Variants in COG2 observed in about 807,000 individuals in gnomAD.
COG2 encodes component of oligomeric golgi complex 2.
A neutral mutation model predicts 90.6 loss-of-function variants in COG2; 52 were observed. The observed-to-expected ratio is 0.57, with a 90% CI of 0.46 to 0.72. COG2 has a LOEUF of 0.72. Ranked by LOEUF, COG2 falls within the 30% of genes least tolerant of loss-of-function variation. COG2 has a pLI of 0.00. For synonymous variants in COG2, 337 were observed against 320.4 expected (o/e 1.05, Z -0.55); for missense variants, 829 against 891.2 (o/e 0.93, Z 0.89).
At chr1:230,660,714 T>A in intron 2 of COG2, 44 bp from the exon 3 acceptor site, 4 of 1,397,764 alleles carry the variant, frequency 2.9e-6, no homozygotes, top group Non-Finnish European at 3.9e-6. Context: ...TAGCTGTTAC[T>A]CTTGATTGTG....
chr1:230,661,796 A>G (rs1456482726), intron 3 of COG2, among the ~76,000 whole-genome samples: 1 of 152,088 alleles, frequency 6.6e-6, no homozygotes, highest in African/African-American at 2.4e-5. Context: ...ACTAGCAAAT[A>G]TTTTCAAATG....
intron 16 of COG2, 34 bp downstream of exon 16, chr1:230,690,187 G>T: frequency 6.3e-7 from 1 of 1,599,814 alleles, no homozygotes; most frequent in South Asian, 1.1e-5. Context: ...TGTGGGCCTT[G>T]CTTAGAAGAG....
intron 1 of COG2, among the ~76,000 whole-genome samples, chr1:230,654,035 A>G (rs2102745229): frequency 6.6e-6 from 1 of 152,348 alleles, no homozygotes; most frequent in African/African-American, 2.4e-5. Flanking sequence ...TCAGGTGGAC[A>G]GATTGCAAAA....
chr1:230,657,928 A>G (rs947853657), intron 1 of COG2, among the ~76,000 whole-genome samples: 3 of 151,918 alleles, frequency 2.0e-5, no homozygotes, highest in Admixed American at 6.6e-5. Context: ...GGTCATTTAT[A>G]TTCTTCTCCA....
At chr1:230,688,397 A>C in intron 14 of COG2, 23 bp from the exon 15 acceptor site, 1 of 1,613,058 alleles carries the variant, frequency 6.2e-7, no homozygotes, top group Non-Finnish European at 8.5e-7. Flanking sequence ...ATGATGATTA[A>C]ATCCAGTCTT....
intron 5 of COG2, among the ~76,000 whole-genome samples, chr1:230,666,256 T>C (rs1423860149): frequency 1.3e-5 from 2 of 152,178 alleles, no homozygotes; most frequent in East Asian, 3.9e-4. Flanking sequence ...GGTGCCTTTA[T>C]TTCCTTCACT....
chr1:230,652,180 C>T (rs1274065803), intron 1 of COG2, among the ~76,000 whole-genome samples: 1 of 114,694 alleles, frequency 8.7e-6, no homozygotes, highest in South Asian at 3.5e-4. Flanking sequence ...CATTCTTCCC[C>T]TCCTCTCCCG....
At chr1:230,647,475 G>T (rs753411795) in intron 1 of COG2, among the ~76,000 whole-genome samples, 9 of 152,156 alleles carry the variant, frequency 5.9e-5, no homozygotes, top group Non-Finnish European at 1.2e-4. Flanking sequence ...CTGAGCACTC[G>T]TGTGATTTTG....
chr1:230,681,465 A>C (rs1271888020), intron 10 of COG2: 1 of 152,204 alleles, frequency 6.6e-6, no homozygotes, highest in Non-Finnish European at 1.5e-5. Flanking sequence ...AGACGGGTGC[A>C]CTTAATGATG....
In COG2 at chr1:230,675,139, G is replaced by A. The variant is rs377096092; in HGVS notation, c.1026+15G>A. On this transcript the variant is annotated intron_variant, in intron 9 of 17. Transcript: ENST00000366669. ...CATTTCATGAGGTATCTCCCCGCCCGTCGTCTTGATTCTTGAAGATGTTAA... is the reference window on the plus strand; with the variant it reads ...CATTTCATGAGGTATCTCCCCGCCCATCGTCTTGATTCTTGAAGATGTTAA... 3.2e-5 allele frequency: 52 copies of A among 1,601,138 alleles called. No individual in the cohort carries two copies. Among genetic ancestry groups the A allele is most frequent in the East Asian group, 1.1e-4 (5 of 44,472 alleles).
intron 13 of COG2, among the ~76,000 whole-genome samples, chr1:230,687,393 C>G (rs2102773396): frequency 6.6e-6 from 1 of 152,294 alleles, no homozygotes. Flanking sequence ...TTCACCTCCA[C>G]CCTGCTTCCT....
intron 8 of COG2, among the ~76,000 whole-genome samples, chr1:230,673,138 ACAAT>A (rs2102760857): frequency 6.6e-6 from 1 of 152,312 alleles, no homozygotes; most frequent in Non-Finnish European, 1.5e-5. Flanking sequence ...TAGATATGAA[ACAAT>A]CAGCCATTAG....
chr1:230,687,778 G>C (rs973345456), intron 13 of COG2, among the ~76,000 whole-genome samples: 4 of 152,062 alleles, frequency 2.6e-5, no homozygotes, highest in African/African-American at 9.7e-5. Context: ...TAAGAATATG[G>C]TCTTTACTGT....
chr1:230,663,882 G>T (rs1022814533), intron 4 of COG2, among the ~76,000 whole-genome samples: 6 of 152,072 alleles, frequency 3.9e-5, no homozygotes, highest in Non-Finnish European at 8.8e-5. Context: ...CAAAATAAAG[G>T]TTTATATAAG....
At position 230,663,118 on chromosome 1, in the gene COG2, C is replaced by CT. The variant is rs555073793; in HGVS notation, c.301-12dup. On this transcript the variant is annotated intron_variant, in intron 3 of 17. Transcript: ENST00000366669. ...ATGTTACAAAACAATCTCTGCAGTA[C>CT]TTTTTTTTTTTGTCTTTTAAAGAGC... 48,379 of 1,131,986 alleles carry CT rather than the reference C, an allele frequency of 0.043. 51 individuals are homozygous for CT. The highest frequency in any genetic ancestry group is 0.048 in the Non-Finnish European group (39,588 of 819,740). 70.1% of individuals were successfully genotyped at this position (1,131,986 alleles called of 1,614,324 possible).
At chr1:230,683,455 C>T (rs1662804259) in intron 10 of COG2, 119 bp from the exon 11 acceptor site, 1 of 643,044 alleles carries the variant, frequency 1.6e-6, no homozygotes, top group African/African-American at 1.9e-5. Context: ...CATTCCGAGG[C>T]TGGACTTACC....
intron 15 of COG2, 109 bp from the exon 16 acceptor site, chr1:230,689,905 C>G: frequency 8.6e-7 from 1 of 1,158,258 alleles, no homozygotes. Flanking sequence ...GTCCGTGTCT[C>G]AAAACTAGAA....
In COG2 at chr1:230,648,488, C is replaced by T. The variant is rs117770645; in HGVS notation, c.72+5810C>T. ...ATTTTCTAATTACCCACATGTGGAG[C>T]GATTTCCTAATGTGAAATACTTTTC... On this transcript the variant is annotated intron_variant, in intron 1 of 17. Transcript: ENST00000366669. Among the ~76,000 whole-genome samples the T allele has an allele frequency of 1.3e-4, 20 of 152,280 alleles. 1 individual carries two copies. The East Asian group carries it at 3.7e-3, about 28-fold the overall frequency.
At chr1:230,688,270 G>A (rs1662933408) in intron 14 of COG2, 127 bp downstream of exon 14, 2 of 1,225,588 alleles carry the variant, frequency 1.6e-6, no homozygotes, top group Non-Finnish European at 2.3e-6. Flanking sequence ...TCTCTATTCT[G>A]TATTATAACT....
Sources: allele counts gnomAD v4.1 joint callset (sites outside exome capture counted in the v4.1 genomes callset), GRCh38; gene constraint gnomAD v4.1.1; transcripts MANE v1.5; gene names NCBI Gene and HGNC (gene_info 2026-07-23, HGNC 2026-07-21).